The following ATP2B2 variants were observed in gnomAD, a reference collection of about 807,000 sequenced individuals.
ATP2B2 encodes plasma membrane calcium-transporting ATPase 2.
Under a neutral mutation model 120.0 loss-of-function variants are expected in ATP2B2, and 15 were observed. That is an observed-to-expected ratio of 0.12 (90% CI 0.08 to 0.19). ATP2B2 has a LOEUF of 0.19. Among genes scored for constraint, ATP2B2 ranks in the 10% least tolerant of loss-of-function variants. The pLI is 1.00. For missense variants in ATP2B2, 1,045 were observed against 1,719.8 expected (o/e 0.61, Z 6.94); for synonymous variants, 694 against 700.3 (o/e 0.99, Z 0.14).
At chr3:10,416,697 C>T (rs1364977981) in intron 2 of ATP2B2, among the ~76,000 whole-genome samples, 2 of 151,706 alleles carry the variant, frequency 1.3e-5, no homozygotes, top group Non-Finnish European at 2.9e-5. Flanking sequence ...GAGCTGGCGA[C>T]CTGGAGGAAG....
intron 1 of ATP2B2, among the ~76,000 whole-genome samples, chr3:10,493,257 G>T (rs7647808): frequency 0.023 from 3,464 of 152,226 alleles, 128 homozygotes; most frequent in African/African-American, 0.079. Context: ...GTGAGGGGGT[G>T]GGGGAGCTCT....
At chr3:10,339,040 C>T (rs1364664378) in intron 21 of ATP2B2, 1 of 153,000 alleles carries the variant, frequency 6.5e-6, no homozygotes, top group Non-Finnish European at 1.5e-5. Flanking sequence ...TATCAGAGGC[C>T]CCTTCCATTT....
chr3:10,700,330 C>A (rs1048345230), intron 1 of ATP2B2, among the ~76,000 whole-genome samples: 2 of 152,182 alleles, frequency 1.3e-5, no homozygotes, highest in African/African-American at 4.8e-5. Flanking sequence ...CTCCCCCACA[C>A]GCTTGTCTCC....
At chr3:10,606,474 T>C (rs2069070092) in intron 2 of ATP2B2, among the ~76,000 whole-genome samples, 1 of 152,140 alleles carries the variant, frequency 6.6e-6, no homozygotes, top group South Asian at 2.1e-4. Flanking sequence ...AAGCCAGGAT[T>C]AAGGTCCTTT....
chr3:10,517,578 GC>G (rs1367571539), intron 3 of ATP2B2, among the ~76,000 whole-genome samples: 2 of 152,146 alleles, frequency 1.3e-5, no homozygotes, highest in Non-Finnish European at 2.9e-5. Flanking sequence ...TGATGATACT[GC>G]TACTCAGCCA....
chr3:10,705,155 A>C (rs1332217187), intron 1 of ATP2B2, among the ~76,000 whole-genome samples: 1 of 152,220 alleles, frequency 6.6e-6, no homozygotes, highest in African/African-American at 2.4e-5. Flanking sequence ...CCTGCACAAC[A>C]AATTCTCTCT....
intron 3 of ATP2B2, among the ~76,000 whole-genome samples, chr3:10,511,233 C>T (rs1026308660): frequency 4.6e-5 from 7 of 152,182 alleles, no homozygotes; most frequent in Non-Finnish European, 8.8e-5. Context: ...CCAGCAGCCC[C>T]TCCTCCATGA....
At chr3:10,507,380 C>G (rs1229626390), upstream of ATP2B2, among the ~76,000 whole-genome samples, 1 of 152,108 alleles carries the variant, frequency 6.6e-6, no homozygotes, top group Non-Finnish European at 1.5e-5. Flanking sequence ...TCTAGGTGGT[C>G]TTCTAAGTCA....
chr3:10,336,248 C>T (rs982557771), intron 22 of ATP2B2: 16 of 1,550,444 alleles, frequency 1.0e-5, no homozygotes, highest in African/African-American at 4.1e-5. Context: ...GGACTGTCTC[C>T]GCAGGGCCCC....
At chr3:10,334,220 A>G (rs2060056366) in intron 22 of ATP2B2, among the ~76,000 whole-genome samples, 1 of 152,186 alleles carries the variant, frequency 6.6e-6, no homozygotes, top group Non-Finnish European at 1.5e-5. Flanking sequence ...TTCAAGAAAG[A>G]GGCTCAACTG....
intron 11 of ATP2B2, among the ~76,000 whole-genome samples, chr3:10,374,813 AT>A: frequency 6.6e-6 from 1 of 152,296 alleles, no homozygotes; most frequent in South Asian, 2.1e-4. Context: ...CCAGCTCTTC[AT>A]TTAACTGCTT....
At chr3:10,705,416 C>A (rs2071881320) in intron 1 of ATP2B2, among the ~76,000 whole-genome samples, 1 of 152,206 alleles carries the variant, frequency 6.6e-6, no homozygotes. Context: ...CTGTCAAAGT[C>A]ATAACTCATG....
At chr3:10,604,216 T>C (rs73811944) in intron 2 of ATP2B2, among the ~76,000 whole-genome samples, 2,237 of 152,176 alleles carry the variant, frequency 0.015, 51 homozygotes, top group African/African-American at 0.051. Context: ...TCCTCCCCTC[T>C]CACCCCGTAG....
At chr3:10,521,574 C>A (rs1296166074) in intron 3 of ATP2B2, among the ~76,000 whole-genome samples, 1 of 152,166 alleles carries the variant, frequency 6.6e-6, no homozygotes, top group Non-Finnish European at 1.5e-5. Flanking sequence ...CCAAGTCCAA[C>A]CAATATAGAA....
At chr3:10,470,539 G>C (rs1295527522) in intron 1 of ATP2B2, among the ~76,000 whole-genome samples, 1 of 152,204 alleles carries the variant, frequency 6.6e-6, no homozygotes, top group Non-Finnish European at 1.5e-5. Flanking sequence ...GGGGCAGGGG[G>C]TGAGGGGTAT....
chr3:10,606,606 C>T lies in ATP2B2; in HGVS notation c.-415+13311G>A, dbSNP rs576608583. ...AGTCAGTCTGAATCCTGTGGGTGGA[C>T]GTGTGTGCAGCGGAGGTACACATGT... On this transcript the variant is annotated intron_variant, in intron 2 of 21. Transcript: ENST00000646379. 3.3e-5 allele frequency among the ~76,000 whole-genome samples: 5 copies of T among 152,114 alleles called. No homozygotes were observed. The South Asian group carries it at 8.3e-4, about 25-fold the overall frequency.
chr3:10,334,013 C>T (rs1006424030), intron 22 of ATP2B2, among the ~76,000 whole-genome samples: 6 of 152,194 alleles, frequency 3.9e-5, no homozygotes, highest in Admixed American at 6.5e-5. Flanking sequence ...TGTTCCCGGA[C>T]GGGCCCTATT....
chr3:10,509,204 G>C (rs1326919707), upstream of ATP2B2, among the ~76,000 whole-genome samples: 1 of 152,188 alleles, frequency 6.6e-6, no homozygotes. Flanking sequence ...GGAGAGGACT[G>C]AATGTAATTA....
intron 8 of ATP2B2, among the ~76,000 whole-genome samples, chr3:10,384,599 C>T (rs2061620075): frequency 6.6e-6 from 1 of 152,164 alleles, no homozygotes; most frequent in South Asian, 2.1e-4. Flanking sequence ...ACAGTGCCAG[C>T]CCCTCTCCCC....
Sources: gnomAD v4.1 joint callset for allele counts (sites outside exome capture counted in the v4.1 genomes callset) on GRCh38, gnomAD v4.1.1 for gene constraint, MANE v1.5 for transcripts, NCBI Gene and HGNC (gene_info 2026-07-23, HGNC 2026-07-21) for gene names.